The following ACKR5 variants were observed in gnomAD, a reference collection of about 807,000 sequenced individuals.
The protein encoded by ACKR5 is G protein-coupled receptor 182.
chr12:56,995,299 C>G, the ACKR5 span: 15 of 1,614,174 alleles, frequency 9.3e-6, no homozygotes, highest in African/African-American at 1.5e-4. This position sits in a 1 kb window ranked among gnomAD's most constrained non-coding sequence, Gnocchi z 4.7. Flanking sequence ...ACAACTGGAC[C>G]GAGCTGCTTG....
the ACKR5 span, chr12:56,996,538 C>A: frequency 6.5e-6 from 6 of 923,906 alleles, no homozygotes; most frequent in Non-Finnish European, 9.7e-6. Context: ...AATTTTGAAT[C>A]TATCTTAAAA....
At chr12:56,995,601 ACTT>A in the ACKR5 span, 1 of 1,613,912 alleles carries the variant, frequency 6.2e-7, no homozygotes, top group Non-Finnish European at 8.5e-7. The surrounding 1 kb of genome is among the most constrained non-coding windows in gnomAD (Gnocchi z 4.7). Flanking sequence ...TTCACTCACT[ACTT>A]CTACTTTGTC....
At chr12:56,995,174 C>A in the ACKR5 span, 1 of 1,579,220 alleles carries the variant, frequency 6.3e-7, no homozygotes, top group Non-Finnish European at 8.6e-7. The surrounding 1 kb of genome is among the most constrained non-coding windows in gnomAD (Gnocchi z 4.7). Context: ...TCCCTTCCAA[C>A]CCTCCCTTCA....
chr12:56,995,783 A>G, the ACKR5 span: 1 of 1,614,052 alleles, frequency 6.2e-7, no homozygotes, highest in Non-Finnish European at 8.5e-7. This position sits in a 1 kb window ranked among gnomAD's most constrained non-coding sequence, Gnocchi z 4.7. Flanking sequence ...GGTGGTCCAC[A>G]TCCAGCTGGT....
chr12:56,996,627 T>C, the ACKR5 span: 5 of 527,112 alleles, frequency 9.5e-6, no homozygotes, highest in Non-Finnish European at 1.7e-5. Context: ...GTCTCGGTCC[T>C]TGTGTCTAAG....
the ACKR5 span, chr12:56,997,918 T>G: frequency 6.6e-6 from 1 of 152,252 alleles, no homozygotes; most frequent in African/African-American, 2.4e-5. Flanking sequence ...TCTCCCTGTT[T>G]ACTGGGCCCA....
the ACKR5 span, chr12:56,996,331 C>T: frequency 6.2e-7 from 1 of 1,614,072 alleles, no homozygotes; most frequent in Non-Finnish European, 8.5e-7. Context: ...CTGCAGCAGC[C>T]CCCCACCCTG....
the ACKR5 span, chr12:56,995,639 C>T: frequency 1.2e-6 from 2 of 1,614,094 alleles, no homozygotes; most frequent in Non-Finnish European, 1.7e-6. The surrounding 1 kb of genome is among the most constrained non-coding windows in gnomAD (Gnocchi z 4.7). Context: ...CATCTTCTTC[C>T]TGGTGTGCCT....
At chr12:56,995,524 T>C in the ACKR5 span, 2 of 1,614,058 alleles carry the variant, frequency 1.2e-6, no homozygotes, top group Non-Finnish European at 1.7e-6. This position sits in a 1 kb window ranked among gnomAD's most constrained non-coding sequence, Gnocchi z 4.7. Flanking sequence ...TTGTCCTGTC[T>C]CTGCCCGTGT....
the ACKR5 span, chr12:56,995,264 C>CCTA: frequency 6.2e-7 from 1 of 1,613,956 alleles, no homozygotes; most frequent in South Asian, 1.1e-5. This position sits in a 1 kb window ranked among gnomAD's most constrained non-coding sequence, Gnocchi z 4.7. Context: ...CACCGCAGTG[C>CCTA]CTACCAGTGA....
chr12:56,995,437 C>T, the ACKR5 span: 38 of 1,614,080 alleles, frequency 2.4e-5, no homozygotes, highest in African/African-American at 2.9e-4. The surrounding 1 kb of genome is among the most constrained non-coding windows in gnomAD (Gnocchi z 4.7). Context: ...TGGTGATATG[C>T]GTCAACTGGC....
chr12:56,997,545 C>T, the ACKR5 span: 2 of 152,236 alleles, frequency 1.3e-5, no homozygotes, highest in Admixed American at 1.3e-4. Flanking sequence ...CCTCTGTTAA[C>T]AAGTAGACCT....
chr12:56,995,521 GTC>G, the ACKR5 span: 1 of 1,614,166 alleles, frequency 6.2e-7, no homozygotes, highest in Middle Eastern at 1.6e-4. The surrounding 1 kb of genome is among the most constrained non-coding windows in gnomAD (Gnocchi z 4.7). Flanking sequence ...GCATTGTCCT[GTC>G]TCTGCCCGTG....
the ACKR5 span, chr12:56,998,417 C>T: frequency 6.6e-6 from 1 of 152,382 alleles, no homozygotes; most frequent in African/African-American, 2.4e-5. Flanking sequence ...CATGTATCAA[C>T]CTCATTAAAC....
chr12:56,994,551 C>T, the ACKR5 span: 3 of 153,142 alleles, frequency 2.0e-5, no homozygotes, highest in South Asian at 2.1e-4. Context: ...GGGAAGCCAG[C>T]CCCACAGCCA....
At chr12:56,995,605 C>G in the ACKR5 span, 3 of 1,614,046 alleles carry the variant, frequency 1.9e-6, no homozygotes, top group Non-Finnish European at 2.5e-6. This position sits in a 1 kb window ranked among gnomAD's most constrained non-coding sequence, Gnocchi z 4.7. Flanking sequence ...CTCACTACTT[C>G]TACTTTGTCA....
At chr12:56,994,725 T>C in the ACKR5 span, 1 of 163,292 alleles carries the variant, frequency 6.1e-6, no homozygotes, top group Admixed American at 5.6e-5. Context: ...ATCCACAGGT[T>C]TTCCTAGGGA....
chr12:56,995,623 T>C, the ACKR5 span: 35 of 1,614,114 alleles, frequency 2.2e-5, no homozygotes, highest in Non-Finnish European at 2.8e-5. This position sits in a 1 kb window ranked among gnomAD's most constrained non-coding sequence, Gnocchi z 4.7. Context: ...TCAACATGTA[T>C]AGCAGCATCT....
chr12:56,995,686 C>T, the ACKR5 span: 17 of 1,613,786 alleles, frequency 1.1e-5, 1 homozygote, highest in Admixed American at 2.0e-4. This position sits in a 1 kb window ranked among gnomAD's most constrained non-coding sequence, Gnocchi z 4.7. Context: ...CCAGCGCCTC[C>T]CCCTCCTGGC....
Sources: allele counts gnomAD v4.1 joint callset, GRCh38; gene constraint gnomAD v4.1.1; non-coding constraint Gnocchi (gnomAD v3.1); transcripts MANE v1.5; gene names NCBI Gene and HGNC (gene_info 2026-07-23, HGNC 2026-07-21).